The following TNC variants were observed in gnomAD, a reference collection of about 807,000 sequenced individuals.
TNC encodes the protein tenascin.
Under a neutral mutation model 202.4 loss-of-function variants are expected in TNC, and 109 were observed. The ratio of observed to expected loss-of-function variants is 0.54; its 90% CI spans 0.46 to 0.63. The LOEUF is 0.63. Ranked by LOEUF, TNC falls within the 30% of genes least tolerant of loss-of-function variation. TNC has a pLI of 0.00. For missense variants in TNC, 2,756 were observed against 2,833.3 expected, an observed-to-expected ratio of 0.97 and a Z score of 0.62; for synonymous variants, 1,007 against 1,089.7, an observed-to-expected ratio of 0.92 and a Z score of 1.50.
intron 1 of TNC, among the ~76,000 whole-genome samples, chr9:115,109,639 A>G (rs1836887072): frequency 6.6e-6 from 1 of 152,224 alleles, no homozygotes; most frequent in Admixed American, 6.5e-5. Context: ...AAATCCCCAG[A>G]CAGGACTCCT....
chr9:115,067,397 T>A (rs759298220), intron 10 of TNC, among the ~76,000 whole-genome samples: 37 of 152,374 alleles, frequency 2.4e-4, no homozygotes, highest in Non-Finnish European at 3.8e-4. Flanking sequence ...ATTGACAACG[T>A]ACCCCTTCGT....
Position 115,086,388 on chromosome 9 carries a change from CG to C in TNC, c.1342del (p.Arg448AlafsTer21). Reference sequence around the variant, plus strand: ...ACATACACATTTGCCCTCGACACAGCGGCCCCGACTGTGACAGTCATTGGGG... The same window carrying C: ...ACATACACATTTGCCCTCGACACAGCGCCCCGACTGTGACAGTCATTGGGG... ...RCPNDCHSRG[R>X]CVEGKCVCEQ... On this transcript the variant is annotated frameshift_variant, in exon 3 of 28. Coordinates refer to ENST00000350763, the MANE Select transcript of TNC (RefSeq NM_002160.4). LOFTEE classifies it high-confidence loss of function. The C allele has an allele frequency of 6.2e-7, 1 of 1,614,070 alleles. No homozygotes were observed. Among genetic ancestry groups the C allele is most frequent in the Non-Finnish European group, 8.5e-7 (1 of 1,179,984 alleles).
intron 20 of TNC, 94 bp downstream of exon 20, chr9:115,038,167 T>A: frequency 6.6e-7 from 1 of 1,509,554 alleles, no homozygotes; most frequent in Non-Finnish European, 9.0e-7. Context: ...TTTATCATCC[T>A]GTACCAAATG....
chr9:115,068,653 A>G (rs1356375857), intron 10 of TNC, among the ~76,000 whole-genome samples: 2 of 152,200 alleles, frequency 1.3e-5, no homozygotes, highest in Non-Finnish European at 2.9e-5. Context: ...GCCCCTGATG[A>G]TGTCTCTAGC....
intron 11 of TNC, among the ~76,000 whole-genome samples, chr9:115,064,269 T>G (rs1832770699): frequency 6.6e-6 from 1 of 152,256 alleles, no homozygotes; most frequent in Admixed American, 6.5e-5. Flanking sequence ...TTTGTTTGTT[T>G]TTTAAATCTT....
In TNC at chr9:115,042,293, G is replaced by A. The variant is rs146024320; in HGVS notation, c.5174C>T (p.Ser1725Leu). Reference sequence around the variant, plus strand: ...GGGTGCCCTCCAGCTGACAGTAGCCGAATTTTCAGTGATGTCTGAGAAAAT... The same window carrying A: ...GGGTGCCCTCCAGCTGACAGTAGCCAAATTTTCAGTGATGTCTGAGAAAAT... Reference protein sequence around the residue: ...EVIFSDITENSATVSWRAPTA... With the variant: ...EVIFSDITENLATVSWRAPTA... The change falls in exon 18 of 28, where the codon TCG becomes TTG. Residue 1725 changes from serine to leucine, a missense_variant. This residue lies in a region of TNC where 2,559 missense variants were observed against 2,546.0 expected (regional missense o/e 1.01). Transcript: ENST00000350763. The A allele has an allele frequency of 1.0e-4, 161 of 1,614,096 alleles. No individual in the cohort carries two copies. The Middle Eastern group carries it at 1.5e-3, about 15-fold the overall frequency.
At chr9:115,037,190 C>T (rs1010497449) in intron 20 of TNC, among the ~76,000 whole-genome samples, 9 of 152,176 alleles carry the variant, frequency 5.9e-5, no homozygotes, top group African/African-American at 2.2e-4. Context: ...AGTTGGTTAC[C>T]ATAACTGAAT....
chr9:115,045,237 A>G lies in TNC; in HGVS notation c.5125+1173T>C, dbSNP rs541601657. Among the ~76,000 whole-genome samples, 8 of 152,290 alleles carry G rather than the reference A, an allele frequency of 5.3e-5. No individual in the cohort carries two copies. The South Asian group carries it at 1.5e-3, about 28-fold the overall frequency. On this transcript the variant is annotated intron_variant, in intron 17 of 27. Coordinates refer to ENST00000350763, the MANE Select transcript of TNC (RefSeq NM_002160.4). ...GAAGCAGCCATCTCCAGCGAATGCTATGTCTCTGCATCTCCCTCAGTTTCA... is the reference window on the plus strand; with the variant it reads ...GAAGCAGCCATCTCCAGCGAATGCTGTGTCTCTGCATCTCCCTCAGTTTCA...
intron 19 of TNC, 21 bp downstream of exon 19, chr9:115,040,920 C>A: frequency 6.2e-7 from 1 of 1,605,716 alleles, no homozygotes; most frequent in South Asian, 1.1e-5. Context: ...CACACACACA[C>A]ACACAACCCC....
intron 15 of TNC, among the ~76,000 whole-genome samples, chr9:115,052,513 G>C (rs747711497): frequency 7.7e-6 from 1 of 130,246 alleles, no homozygotes; most frequent in Non-Finnish European, 1.8e-5. Flanking sequence ...AAATAAATAA[G>C]GTGAGGTGAT....
chr9:115,046,335 T>C, intron 17 of TNC, 75 bp downstream of exon 17: 1 of 1,531,150 alleles, frequency 6.5e-7, no homozygotes, highest in Non-Finnish European at 8.9e-7. Context: ...AAAGCTCCTG[T>C]GATTACTCAG....
At chr9:115,072,247 A>C (rs1315854139) in intron 10 of TNC, among the ~76,000 whole-genome samples, 1 of 152,174 alleles carries the variant, frequency 6.6e-6, no homozygotes, top group East Asian at 1.9e-4. Flanking sequence ...TGCTGCCTAG[A>C]ACACAGATGG....
chr9:115,091,663 G>C (rs1835246949), intron 1 of TNC, among the ~76,000 whole-genome samples: 1 of 152,168 alleles, frequency 6.6e-6, no homozygotes, highest in East Asian at 1.9e-4. Flanking sequence ...GCCTCTTATT[G>C]ATTTTCAAAA....
intron 27 of TNC, among the ~76,000 whole-genome samples, chr9:115,023,657 C>A (rs1465325544): frequency 6.6e-6 from 1 of 152,196 alleles, no homozygotes; most frequent in East Asian, 1.9e-4. Flanking sequence ...CCTGCTTCAC[C>A]TAAATGGCCT....
intron 1 of TNC, among the ~76,000 whole-genome samples, chr9:115,108,345 C>G (rs1171056274): frequency 6.6e-6 from 1 of 152,162 alleles, no homozygotes; most frequent in Admixed American, 6.5e-5. Flanking sequence ...GAAAGTTGAA[C>G]AGATTAATTA....
In TNC at chr9:115,086,295, C is replaced by A; in HGVS notation, c.1436G>T (p.Arg479Leu). Residue 479 changes from arginine (R) to leucine (L), a missense_variant, in exon 3 of 28, where the codon CGC becomes CTC. Physicochemically the swap from Arg to Leu is moderately radical, Grantham distance 102 (BLOSUM62 -2). Transcript: ENST00000350763. ...SCPNDCHQHG[R>L]CVNGMCVCDD... is the part of the protein sequence containing the mutation. ...ACAAACACACATGCCATTCACACAG[C>A]GGCCGTGCTGGTGACAGTCATTAGG... 1 of 1,614,200 alleles carries A rather than the reference C, an allele frequency of 6.2e-7. No homozygotes were observed.
rs535686346 is a variant in TNC at position 115,026,703 on chromosome 9, T to A, written c.6170-8A>T. 1 of 1,613,458 alleles carries A rather than the reference T, an allele frequency of 6.2e-7. No individual in the cohort carries two copies. The highest frequency in any genetic ancestry group is 8.5e-7 in the Non-Finnish European group (1 of 1,179,796). On this transcript the variant is annotated splice_region_variant and splice_polypyrimidine_tract_variant and intron_variant, in intron 25 of 27. Coordinates refer to ENST00000350763, the MANE Select transcript of TNC (RefSeq NM_002160.4). The stretch of plus-strand genomic sequence containing the variant: ...TGTTCAGGTTGTCCAGCCCTGTGGA[T>A]GACAGGCAAGGGTTGCTAAGAAGCA...
At position 115,076,191 on chromosome 9, in the gene TNC, G is replaced by A. The variant is rs1050051435; in HGVS notation, c.2861-70C>T. 2.5e-4 allele frequency: 382 copies of A among 1,526,508 alleles called. 2 individuals are homozygous for A. Among genetic ancestry groups the A allele is most frequent in the Middle Eastern group, 5.0e-4 (3 of 5,952 alleles). 94.6% of individuals were successfully genotyped at this position (1,526,508 alleles called of 1,614,324 possible). A position where few individuals can be genotyped will look rare whatever the true frequency, so the allele number is the denominator to read the frequency against. ...AGACTTTCAGAGGATGATAAAAATG[G>A]CTTTGAGTTGGTCTCTGGAGGCTAC... On this transcript the variant is annotated intron_variant, in intron 8 of 27. Transcript: ENST00000350763.
chr9:115,075,994 A>G (rs1426626619), intron 9 of TNC, 38 bp downstream of exon 9: 3 of 1,574,154 alleles, frequency 1.9e-6, no homozygotes, highest in Non-Finnish European at 2.6e-6. Flanking sequence ...TCTGCCCAGC[A>G]CCAGCTCAGT....
Sources: gnomAD v4.1 joint callset for allele counts (sites outside exome capture counted in the v4.1 genomes callset) on GRCh38, gnomAD v4.1.1 for gene constraint, gnomAD v4.1.1 regional missense constraint, MANE v1.5 for transcripts, NCBI Gene and HGNC (gene_info 2026-07-23, HGNC 2026-07-21) for gene names.